Variants in NECTIN3 observed in about 807,000 individuals in gnomAD.
NECTIN3 encodes the protein nectin cell adhesion molecule 3, also known as nectin-3.
In NECTIN3, 8 loss-of-function variants were observed where a neutral mutation model predicts 49.4. That is an observed-to-expected ratio of 0.16 (90% CI 0.10 to 0.29). The LOEUF (loss-of-function observed/expected upper bound fraction) is 0.29, where lower values mean the gene tolerates loss of function less well. Among genes scored for constraint, NECTIN3 ranks in the 10% least tolerant of loss-of-function variants. NECTIN3 has a pLI of 1.00. For synonymous variants in NECTIN3, 277 were observed against 241.1 expected (o/e 1.15, Z -1.38); for missense variants, 581 against 654.6 (o/e 0.89, Z 1.23).
intron 1 of NECTIN3, among the ~76,000 whole-genome samples, chr3:111,094,588 G>A (rs1254549188): frequency 6.6e-6 from 1 of 152,082 alleles, no homozygotes; most frequent in Admixed American, 6.6e-5. Context: ...AGGATACCAA[G>A]CACAATCAGC....
At chr3:111,093,348 T>C (rs1234477554) in intron 1 of NECTIN3, among the ~76,000 whole-genome samples, 1 of 152,134 alleles carries the variant, frequency 6.6e-6, no homozygotes, top group Non-Finnish European at 1.5e-5. Context: ...ATTTCCATAG[T>C]GTGACCATAT....
At chr3:111,113,802 G>A (rs1456696867) in intron 2 of NECTIN3, among the ~76,000 whole-genome samples, 1 of 152,012 alleles carries the variant, frequency 6.6e-6, no homozygotes, top group Non-Finnish European at 1.5e-5. Flanking sequence ...TGGCCAGCAT[G>A]GCAAAACCCC....
intron 1 of NECTIN3, among the ~76,000 whole-genome samples, chr3:111,101,711 A>C (rs2107422799): frequency 6.6e-6 from 1 of 152,272 alleles, no homozygotes; most frequent in Non-Finnish European, 1.5e-5. Flanking sequence ...TGTAACTGAA[A>C]ACCTAATTTA....
intron 7 of NECTIN3, among the ~76,000 whole-genome samples, chr3:111,180,614 T>C (rs907149538): frequency 6.6e-6 from 1 of 152,188 alleles, no homozygotes; most frequent in Non-Finnish European, 1.5e-5. Flanking sequence ...TTAATAGATA[T>C]GAGTGTAATA....
At chr3:111,106,918 A>G (rs1397711401) in intron 1 of NECTIN3, among the ~76,000 whole-genome samples, 3 of 152,052 alleles carry the variant, frequency 2.0e-5, no homozygotes, top group Non-Finnish European at 4.4e-5. Flanking sequence ...GCATGCCATT[A>G]CTGTAGGCTG....
chr3:111,149,864 A>G (rs148962681), intron 7 of NECTIN3, among the ~76,000 whole-genome samples: 4 of 152,110 alleles, frequency 2.6e-5, no homozygotes, highest in Non-Finnish European at 5.9e-5. Flanking sequence ...GAAATAATTG[A>G]AGACTAGTAT....
At chr3:111,109,127 A>G (rs2033346053) in intron 1 of NECTIN3, among the ~76,000 whole-genome samples, 1 of 152,026 alleles carries the variant, frequency 6.6e-6, no homozygotes, top group African/African-American at 2.4e-5. Flanking sequence ...GCCTAGAAAA[A>G]GTGAGGGAGT....
chr3:111,118,555 A>T, intron 2 of NECTIN3, 101 bp from the exon 3 acceptor site: 1 of 1,053,538 alleles, frequency 9.5e-7, no homozygotes, highest in Non-Finnish European at 1.3e-6. Flanking sequence ...TTTTATATGC[A>T]GTTGTCCTTA....
intron 4 of NECTIN3, among the ~76,000 whole-genome samples, chr3:111,123,922 A>G (rs575264891): frequency 1.3e-5 from 2 of 152,226 alleles, no homozygotes; most frequent in African/African-American, 4.8e-5. Context: ...ATTGTTTTTT[A>G]AATCTATTTT....
At chr3:111,186,227 C>G (rs1459803131) in intron 7 of NECTIN3, among the ~76,000 whole-genome samples, 2 of 151,496 alleles carry the variant, frequency 1.3e-5, no homozygotes, top group Non-Finnish European at 2.9e-5. Context: ...CATATGGAAC[C>G]AAAAAAGAGT....
Position 111,134,084 on chromosome 3 carries a change from C to G in NECTIN3, c.1519C>G (p.Pro507Ala). ...AGAAAATCTCAATAGGTTTGAAAGA[C>G]CAATGGATTATTATGAAGATCTAAA... ...NVENLNRFERPMDYYEDLKMG... is the reference protein window; with the variant it reads ...NVENLNRFERAMDYYEDLKMG... The change falls in exon 6 of 6, where the codon CCA (proline) becomes GCA (alanine). Residue 507 changes from proline (P) to alanine (A), a missense_variant. This residue lies in a region of NECTIN3 where 238 missense variants were observed against 244.9 expected (regional missense o/e 0.97). Coordinates refer to ENST00000485303, the MANE Select transcript of NECTIN3 (RefSeq NM_015480.3). The G allele has an allele frequency of 6.2e-7, 1 of 1,613,508 alleles. No homozygotes were observed. The highest frequency in any genetic ancestry group is 8.5e-7 in the Non-Finnish European group (1 of 1,179,674).
intron 1 of NECTIN3, among the ~76,000 whole-genome samples, chr3:111,076,200 G>A (rs1247968992): frequency 6.6e-6 from 1 of 151,930 alleles, no homozygotes; most frequent in Non-Finnish European, 1.5e-5. Flanking sequence ...TATAGTTAAG[G>A]GATAAAACTT....
Position 111,144,942 on chromosome 3 carries a change from G to C in NECTIN3, c.1044G>C (p.Ala348=), listed in dbSNP as rs1015732731. The C allele has an allele frequency of 4.6e-6, 7 of 1,536,032 alleles. No individual in the cohort carries two copies. In the African/African-American group the frequency reaches 8.2e-5, roughly 18 times the overall value. The change falls in exon 6 of 9, where the codon GCG becomes GCC. Residue 348 remains alanine, a synonymous_variant. Transcript: ENST00000493615. ...CCTCTTCCATAGCTGTAGCTGGAGC[G>C]GTAATTGGAGCTGTTCTTGCCCTTT...
At chr3:111,163,317 A>G (rs1000257660) in intron 7 of NECTIN3, among the ~76,000 whole-genome samples, 1 of 152,204 alleles carries the variant, frequency 6.6e-6, no homozygotes, top group Non-Finnish European at 1.5e-5. Flanking sequence ...CTGTGTTACC[A>G]TAAGATCACT....
intron 7 of NECTIN3, among the ~76,000 whole-genome samples, chr3:111,152,947 G>A (rs558866926): frequency 6.6e-6 from 1 of 151,988 alleles, no homozygotes; most frequent in African/African-American, 2.4e-5. Flanking sequence ...GCTTTTGTTA[G>A]TAATCATTGA....
intron 7 of NECTIN3, among the ~76,000 whole-genome samples, chr3:111,153,465 GCTAT>G (rs1001579205): frequency 2.0e-5 from 3 of 151,916 alleles, no homozygotes; most frequent in Non-Finnish European, 2.9e-5. Context: ...CAAAGCTTTT[GCTAT>G]CTGTCTTATA....
At chr3:111,146,969 G>A (rs1439967521) in intron 6 of NECTIN3, among the ~76,000 whole-genome samples, 1 of 152,064 alleles carries the variant, frequency 6.6e-6, no homozygotes, top group Non-Finnish European at 1.5e-5. Flanking sequence ...GGTGAATATT[G>A]TAATAGTGAC....
chr3:111,163,392 T>C (rs1339773246), intron 7 of NECTIN3, among the ~76,000 whole-genome samples: 6 of 152,314 alleles, frequency 3.9e-5, no homozygotes, highest in African/African-American at 1.2e-4. Context: ...TTATGTAAAC[T>C]CCAGTTCTTA....
At chr3:111,124,790 T>C (rs2034093647) in intron 4 of NECTIN3, among the ~76,000 whole-genome samples, 1 of 152,164 alleles carries the variant, frequency 6.6e-6, no homozygotes, top group East Asian at 1.9e-4. Context: ...TTTGTTCTTA[T>C]TCCCTGTGTA....
Sources: gnomAD v4.1 joint callset for allele counts (sites outside exome capture counted in the v4.1 genomes callset) on GRCh38, gnomAD v4.1.1 for gene constraint, gnomAD v4.1.1 regional missense constraint, MANE v1.5 for transcripts, NCBI Gene and HGNC (gene_info 2026-07-23, HGNC 2026-07-21) for gene names.